The following MAP3K13 variants were observed in gnomAD, a reference collection of about 807,000 sequenced individuals.
MAP3K13 encodes leucine zipper-bearing kinase.
MAP3K13 carries 52 observed loss-of-function variants against 104.0 expected under a neutral mutation model. That is an observed-to-expected ratio of 0.50 (90% CI 0.40 to 0.63). The LOEUF (loss-of-function observed/expected upper bound fraction) is 0.63, where lower values mean the gene tolerates loss of function less well. Ranked by LOEUF, MAP3K13 falls within the 20% of genes least tolerant of loss-of-function variation. The pLI is 0.00. For missense variants in MAP3K13, 914 were observed against 1,218.5 expected (o/e 0.75, Z 3.72); for synonymous variants, 394 against 442.2 (o/e 0.89, Z 1.37).
chr3:185,472,947 T>A (rs1198135010), intron 10 of MAP3K13, 28 bp from the exon 11 acceptor site: 3 of 1,596,596 alleles, frequency 1.9e-6, no homozygotes, highest in Non-Finnish European at 2.6e-6. Context: ...TTCATGTGTT[T>A]CAGATTAAAC....
At chr3:185,382,840 C>T (rs1267848954) in intron 1 of MAP3K13, among the ~76,000 whole-genome samples, 1 of 152,078 alleles carries the variant, frequency 6.6e-6, no homozygotes, top group African/African-American at 2.4e-5. Flanking sequence ...CCCATCTCTA[C>T]TAAAAATATT....
chr3:185,444,159 AC>A (rs1715472142), intron 4 of MAP3K13, among the ~76,000 whole-genome samples: 1 of 152,144 alleles, frequency 6.6e-6, no homozygotes, highest in Admixed American at 6.6e-5. Context: ...ACGTGGTGAA[AC>A]CCTGTCTCTA....
chr3:185,344,887 A>AT (rs199996317), intron 2 of MAP3K13, among the ~76,000 whole-genome samples: 1,618 of 146,080 alleles, frequency 0.011, 32 homozygotes, highest in African/African-American at 0.036. Context: ...CTCATAATTT[A>AT]TTTTTTTTTT....
intron 1 of MAP3K13, among the ~76,000 whole-genome samples, chr3:185,369,371 C>T (rs1724046172): frequency 6.6e-6 from 1 of 152,180 alleles, no homozygotes; most frequent in Non-Finnish European, 1.5e-5. Flanking sequence ...AGAGTTTCTT[C>T]TAAGTCCTAA....
intron 2 of MAP3K13, among the ~76,000 whole-genome samples, chr3:185,311,502 A>G (rs761918080): frequency 3.9e-5 from 6 of 152,166 alleles, no homozygotes; most frequent in Non-Finnish European, 4.4e-5. Context: ...ATTTGAATGG[A>G]GACACAGCCA....
chr3:185,329,565 G>A (rs753904229), intron 2 of MAP3K13, among the ~76,000 whole-genome samples: 13 of 152,164 alleles, frequency 8.5e-5, no homozygotes, highest in Non-Finnish European at 1.3e-4. Context: ...ACGCAACTTC[G>A]GAGAAATCTG....
At chr3:185,329,733 T>C (rs764337540) in intron 2 of MAP3K13, among the ~76,000 whole-genome samples, 3 of 152,200 alleles carry the variant, frequency 2.0e-5, no homozygotes, top group Non-Finnish European at 2.9e-5. Context: ...CACAAACATA[T>C]TGACTTTATT....
At chr3:185,376,669 T>C (rs1724446681) in intron 1 of MAP3K13, among the ~76,000 whole-genome samples, 1 of 151,828 alleles carries the variant, frequency 6.6e-6, no homozygotes, top group Non-Finnish European at 1.5e-5. Context: ...TGTGAGTTTA[T>C]ATAATGGTTT....
At chr3:185,373,958 C>T (rs1258875793) in intron 1 of MAP3K13, among the ~76,000 whole-genome samples, 1 of 148,706 alleles carries the variant, frequency 6.7e-6, no homozygotes, top group African/African-American at 2.5e-5. Context: ...TTGGGATGGG[C>T]GGTGGAGTTA....
chr3:185,451,124 T>G (rs2148897546), intron 6 of MAP3K13, among the ~76,000 whole-genome samples, 163 bp from the exon 7 acceptor site: 1 of 152,332 alleles, frequency 6.6e-6, no homozygotes, highest in Admixed American at 6.5e-5. Flanking sequence ...AAAACTGTAC[T>G]GAGATACAAT....
chr3:185,310,290 G>A (rs1721450350), intron 2 of MAP3K13, among the ~76,000 whole-genome samples: 1 of 152,040 alleles, frequency 6.6e-6, no homozygotes, highest in African/African-American at 2.4e-5. Context: ...CCATTTCCAG[G>A]AATAACTATT....
intron 5 of MAP3K13, among the ~76,000 whole-genome samples, chr3:185,449,581 T>C (rs1715775350): frequency 6.6e-6 from 1 of 152,170 alleles, no homozygotes; most frequent in African/African-American, 2.4e-5. Context: ...CCACTGGTTT[T>C]TGATGTCACT....
Position 185,325,384 on chromosome 3 carries a change from C to T in MAP3K13, c.-86+39741C>T, listed in dbSNP as rs561946572. 6.8e-4 allele frequency among the ~76,000 whole-genome samples: 103 copies of T among 152,254 alleles called. No individual in the cohort carries two copies. In the Middle Eastern group the frequency reaches 0.01, roughly 15 times the overall value. ...GAGATCCTTAGTCACATCAGCAAAGCCTCCTTTTCCAAATACAGTCACATT... is the reference window on the plus strand; with the variant it reads ...GAGATCCTTAGTCACATCAGCAAAGTCTCCTTTTCCAAATACAGTCACATT... On this transcript the variant is annotated intron_variant, in intron 2 of 14. Transcript: ENST00000424227.
chr3:185,390,166 C>A (rs1436898006), intron 1 of MAP3K13, among the ~76,000 whole-genome samples: 1 of 152,170 alleles, frequency 6.6e-6, no homozygotes, highest in Admixed American at 6.5e-5. Flanking sequence ...CCAGAGCATA[C>A]TATAAGCACC....
At chr3:185,350,465 G>A (rs936390244) in intron 2 of MAP3K13, among the ~76,000 whole-genome samples, 24 of 152,220 alleles carry the variant, frequency 1.6e-4, no homozygotes, top group African/African-American at 5.5e-4. Flanking sequence ...GGGATTACAG[G>A]CGTGAGCCAC....
rs1265622838 is a variant in MAP3K13, at chr3:185,450,905, C to T, written c.1170-382C>T. On this transcript the variant is annotated intron_variant, in intron 6 of 13. Coordinates refer to ENST00000265026, the MANE Select transcript of MAP3K13 (RefSeq NM_004721.5). The surrounding 1 kb of genome is among the most constrained non-coding windows in gnomAD (Gnocchi z 4.2). Reference sequence around the variant, plus strand: ...GAGATCGAGACCATCCTGGTTAACACGATGAAACCCCGTCTCTACTAAAAA... The same window carrying T: ...GAGATCGAGACCATCCTGGTTAACATGATGAAACCCCGTCTCTACTAAAAA... Among the ~76,000 whole-genome samples, 7 of 152,124 alleles carry T rather than the reference C, an allele frequency of 4.6e-5. No homozygotes were observed. The highest frequency in any genetic ancestry group is 6.6e-5 in the Admixed American group (1 of 15,266).
At chr3:185,447,729 G>T in intron 4 of MAP3K13, 60 bp from the exon 5 acceptor site, 1 of 1,321,246 alleles carries the variant, frequency 7.6e-7, no homozygotes, top group South Asian at 1.4e-5. Context: ...CAGCCATTTA[G>T]AATCATGGTT....
chr3:185,418,357 CCTTTAGACATGACCAGTGCTGG>C lies in MAP3K13; in HGVS notation c.-85-10139_-85-10118del, dbSNP rs1713917972. On this transcript the variant is annotated intron_variant, in intron 1 of 13. Transcript: ENST00000265026. This position sits in a 1 kb window ranked among gnomAD's most constrained non-coding sequence, Gnocchi z 4.5. ...TTCAGGAACTTCCTCAATACGATGACCTTTAGACATGACCAGTGCTGGTAGGGCTGAGGCAGCCAGGGCAGAA... is the reference window on the plus strand; with the variant it reads ...TTCAGGAACTTCCTCAATACGATGACTAGGGCTGAGGCAGCCAGGGCAGAA... The C allele has an allele frequency of 3.8e-6, 6 of 1,597,790 alleles. No homozygotes were observed. The South Asian group carries it at 6.6e-5, about 18-fold the overall frequency.
chr3:185,320,992 T>C (rs1721836091), intron 2 of MAP3K13, among the ~76,000 whole-genome samples: 1 of 151,978 alleles, frequency 6.6e-6, no homozygotes, highest in African/African-American at 2.4e-5. Flanking sequence ...TGTGTGTGCG[T>C]GCATATATAC....
Sources: allele counts gnomAD v4.1 joint callset (sites outside exome capture counted in the v4.1 genomes callset), GRCh38; gene constraint gnomAD v4.1.1; non-coding constraint Gnocchi (gnomAD v3.1); transcripts MANE v1.5; gene names NCBI Gene and HGNC (gene_info 2026-07-23, HGNC 2026-07-21).